Variants in SLC6A6 observed in about 807,000 individuals in gnomAD.
SLC6A6 encodes the protein solute carrier family 6 member 6.
SLC6A6 carries 16 observed loss-of-function variants against 68.8 expected under a neutral mutation model. The observed-to-expected ratio is 0.23, with a 90% CI of 0.16 to 0.35. The LOEUF is 0.35. Among genes scored for constraint, SLC6A6 ranks in the 10% least tolerant of loss-of-function variants. SLC6A6 has a pLI of 1.00. For missense variants in SLC6A6, 474 were observed against 802.8 expected (o/e 0.59, Z 4.95); for synonymous variants, 312 against 315.4 (o/e 0.99, Z 0.12).
At chr3:14,453,045 A>G (rs1461143130) in intron 5 of SLC6A6, among the ~76,000 whole-genome samples, 2 of 152,254 alleles carry the variant, frequency 1.3e-5, no homozygotes, top group Admixed American at 6.5e-5. Flanking sequence ...GCTGTCGGAA[A>G]GAGGAGGCGG....
intron 10 of SLC6A6, among the ~76,000 whole-genome samples, chr3:14,474,753 A>G (rs188697588): frequency 3.9e-4 from 60 of 152,312 alleles, no homozygotes; most frequent in South Asian, 1.2e-3. Context: ...GTTTGTCCCA[A>G]CTGGCCTTCC....
intron 11 of SLC6A6, 89 bp from the exon 12 acceptor site, chr3:14,478,377 A>T (rs2241781): frequency 0.25 from 193,447 of 760,596 alleles, 28,654 homozygotes; most frequent in East Asian, 0.5. Flanking sequence ...GGGTTTTTTT[A>T]ATCTTATTGA....
Position 14,458,147 on chromosome 3 carries a change from A to G in SLC6A6, c.732+65A>G, listed in dbSNP as rs1250488967. ...CTGTGCCAGGCTGGCCCTCTCCCCC[A>G]CTTCCCGCCTGCAATTAGCCACGCC... On this transcript the variant is annotated intron_variant, in intron 6 of 14. Coordinates refer to ENST00000622186, the MANE Select transcript of SLC6A6 (RefSeq NM_003043.6). The G allele has an allele frequency of 1.4e-5, 21 of 1,477,868 alleles. No individual in the cohort carries two copies. The Admixed American group carries it at 1.8e-4, about 13-fold the overall frequency. 91.5% of individuals were successfully genotyped at this position (1,477,868 alleles called of 1,614,324 possible).
intron 9 of SLC6A6, among the ~76,000 whole-genome samples, chr3:14,470,742 G>C (rs1461050072): frequency 6.6e-6 from 1 of 152,144 alleles, no homozygotes; most frequent in Non-Finnish European, 1.5e-5. Context: ...CGCGGCTTTT[G>C]ACTCCAACTT....
chr3:14,422,553 C>T (rs921831008), intron 2 of SLC6A6, among the ~76,000 whole-genome samples: 6 of 152,112 alleles, frequency 3.9e-5, no homozygotes, highest in African/African-American at 1.4e-4. Flanking sequence ...GGCCGGTGTC[C>T]AGGCCCCACC....
intron 2 of SLC6A6, among the ~76,000 whole-genome samples, chr3:14,440,699 G>A (rs571154090): frequency 1.1e-3 from 170 of 152,276 alleles, no homozygotes; most frequent in African/African-American, 3.7e-3. Context: ...CCTGTAGCTC[G>A]TGGTTGCCAT....
intron 14 of SLC6A6, 129 bp from the exon 15 acceptor site, chr3:14,484,738 C>T: frequency 1.2e-6 from 1 of 856,248 alleles, no homozygotes; most frequent in Non-Finnish European, 1.8e-6. Flanking sequence ...AACAGGAGAT[C>T]AGAGAGGGTG....
intron 6 of SLC6A6, among the ~76,000 whole-genome samples, chr3:14,460,351 T>A (rs1700467326): frequency 6.6e-6 from 1 of 151,402 alleles, no homozygotes; most frequent in African/African-American, 2.4e-5. Flanking sequence ...TGGGAAAAAG[T>A]CAAGCAGAGA....
chr3:14,436,212 C>T (rs979022179), intron 2 of SLC6A6, among the ~76,000 whole-genome samples: 1 of 152,054 alleles, frequency 6.6e-6, no homozygotes, highest in African/African-American at 2.4e-5. Context: ...ATTTTTTCAT[C>T]TTTTTAGAAA....
chr3:14,447,193 A>G (rs1351229465), intron 4 of SLC6A6, among the ~76,000 whole-genome samples: 1 of 151,948 alleles, frequency 6.6e-6, no homozygotes, highest in Admixed American at 6.6e-5. Flanking sequence ...CTGTTCATTC[A>G]TCCATCTATT....
chr3:14,442,569 AG>A (rs1473493221), intron 2 of SLC6A6, among the ~76,000 whole-genome samples: 1 of 152,234 alleles, frequency 6.6e-6, no homozygotes, highest in Non-Finnish European at 1.5e-5. Context: ...CCTTCTGCAC[AG>A]ACGGCCACAC....
chr3:14,419,482 CAG>C (rs1310383645), intron 2 of SLC6A6, among the ~76,000 whole-genome samples: 2 of 152,298 alleles, frequency 1.3e-5, no homozygotes, highest in African/African-American at 2.4e-5. Flanking sequence ...GTATTGCTGA[CAG>C]GGGGCAACCC....
intron 1 of SLC6A6, among the ~76,000 whole-genome samples, chr3:14,414,975 TC>T (rs1699331631): frequency 6.6e-6 from 1 of 152,196 alleles, no homozygotes. Context: ...TTATCCCACT[TC>T]CCTGTGTATG....
At chr3:14,446,263 C>A (rs1333837885) in intron 4 of SLC6A6, among the ~76,000 whole-genome samples, 1 of 152,192 alleles carries the variant, frequency 6.6e-6, no homozygotes, top group African/African-American at 2.4e-5. Flanking sequence ...GCCTTTGCAG[C>A]AACGTGGATA....
At chr3:14,449,173 G>A (rs796288226) in intron 5 of SLC6A6, among the ~76,000 whole-genome samples, 45 of 152,376 alleles carry the variant, frequency 3.0e-4, no homozygotes, top group African/African-American at 1.1e-3. Flanking sequence ...CAAAGAAGGG[G>A]TCGGTTGCCC....
chr3:14,454,317 G>A (rs1700320870), intron 5 of SLC6A6, among the ~76,000 whole-genome samples: 1 of 152,194 alleles, frequency 6.6e-6, no homozygotes, highest in South Asian at 2.1e-4. Flanking sequence ...ACTGTGGGGA[G>A]CCTGTGCAGC....
rs61026975 is a variant in SLC6A6 at position 14,420,275 on chromosome 3, A to G, written c.-12+3822A>G. On this transcript the variant is annotated intron_variant, in intron 2 of 14. Coordinates refer to ENST00000622186, the MANE Select transcript of SLC6A6 (RefSeq NM_003043.6). ...TGGCAAAACCCCATCTCTACTAAAA[A>G]TACAAAAATTAGCTGTGCGTGATGG... Among the ~76,000 whole-genome samples, 466 of 152,310 alleles carry G rather than the reference A, an allele frequency of 3.1e-3. 4 individuals are homozygous for G. The highest frequency in any genetic ancestry group is 0.011 in the African/African-American group (449 of 41,564).
chr3:14,465,953 C>A (rs1700606048), intron 6 of SLC6A6, among the ~76,000 whole-genome samples: 2 of 152,192 alleles, frequency 1.3e-5, no homozygotes, highest in African/African-American at 2.4e-5. Context: ...GGATGTTTTT[C>A]ATTTAATCTC....
At chr3:14,445,649 C>A in intron 3 of SLC6A6, 68 bp from the exon 4 acceptor site, 1 of 1,581,432 alleles carries the variant, frequency 6.3e-7, no homozygotes, top group Non-Finnish European at 8.7e-7. Flanking sequence ...GCTGGGAGGG[C>A]TTGGGAGCCT....
Sources: gnomAD v4.1 joint callset for allele counts (sites outside exome capture counted in the v4.1 genomes callset) on GRCh38, gnomAD v4.1.1 for gene constraint, MANE v1.5 for transcripts, NCBI Gene and HGNC (gene_info 2026-07-23, HGNC 2026-07-21) for gene names.